ASF1A: variants seen among roughly 807,000 people sequenced by gnomAD.
ASF1A encodes anti-silencing function 1A histone chaperone.
In ASF1A, 5 loss-of-function variants were observed where a neutral mutation model predicts 22.0. The observed-to-expected ratio is 0.23, with a 90% CI of 0.12 to 0.48. The LOEUF is 0.48. Ranked by LOEUF, ASF1A falls within the 20% of genes least tolerant of loss-of-function variation. The pLI is 0.99. For synonymous variants in ASF1A, 97 were observed against 86.7 expected, an observed-to-expected ratio of 1.12 and a Z score of -0.66; for missense variants, 137 against 240.6, an observed-to-expected ratio of 0.57 and a Z score of 2.85.
At chr6:118,896,490 C>A (rs994283747) in intron 1 of ASF1A, among the ~76,000 whole-genome samples, 1 of 152,126 alleles carries the variant, frequency 6.6e-6, no homozygotes, top group Admixed American at 6.5e-5. Context: ...TGAAACCAGC[C>A]ATTCATAAAG....
intron 2 of ASF1A, among the ~76,000 whole-genome samples, chr6:118,903,278 T>C (rs948786439): frequency 8.5e-5 from 13 of 152,116 alleles, no homozygotes; most frequent in African/African-American, 3.1e-4. Flanking sequence ...ATCTAACCCC[T>C]CTGTGCAGGG....
intron 3 of ASF1A, among the ~76,000 whole-genome samples, chr6:118,906,192 C>A (rs1486068354): frequency 6.6e-6 from 1 of 152,148 alleles, no homozygotes; most frequent in Non-Finnish European, 1.5e-5. Context: ...CCTGTCTCAG[C>A]CTCCCAAGTA....
At position 118,898,425 on chromosome 6, in the gene ASF1A, A is replaced by ATT. The variant is rs34394511; in HGVS notation, c.110-2324_110-2323dup. On this transcript the variant is annotated intron_variant, in intron 1 of 3. Transcript: ENST00000229595. ...AATTCATGAAAACCTTTATGTAATAATTTTTTTTTTTTTTTTTTGGAGACA... is the reference window on the plus strand; with the variant it reads ...AATTCATGAAAACCTTTATGTAATAATTTTTTTTTTTTTTTTTTTTGGAGACA... Among the ~76,000 whole-genome samples the ATT allele has an allele frequency of 2.4e-3, 335 of 140,532 alleles. 4 individuals are homozygous for ATT. Among genetic ancestry groups the ATT allele is most frequent in the Middle Eastern group, 0.011 (3 of 282 alleles). 92.2% of individuals were successfully genotyped at this position (140,532 alleles called of 152,430 possible). A position where few individuals can be genotyped will look rare whatever the true frequency, so the allele number is the denominator to read the frequency against.
chr6:118,906,408 C>T (rs919368708), intron 3 of ASF1A, among the ~76,000 whole-genome samples: 1 of 152,098 alleles, frequency 6.6e-6, no homozygotes, highest in African/African-American at 2.4e-5. Flanking sequence ...TTGTTTATGG[C>T]TTTCTTTATA....
Position 118,900,767 on chromosome 6 carries a change from C to T in ASF1A, c.111C>T (p.Asp37=). ...AATGCTTTGGTTTTTTAACCCTAGACTTGGAATGGAAAATTATCTATGTGG... is the reference window on the plus strand; with the variant it reads ...AATGCTTTGGTTTTTTAACCCTAGATTTGGAATGGAAAATTATCTATGTGG... ...TFECIEDLSE[D]LEWKIIYVGS... The change falls in exon 2 of 4, where the codon GAC becomes GAT. Residue 37 remains aspartate (D), a splice_region_variant and synonymous_variant. Transcript: ENST00000229595. 1.9e-6 allele frequency: 3 copies of T among 1,606,994 alleles called. No individual in the cohort carries two copies. Among genetic ancestry groups the T allele is most frequent in the Non-Finnish European group, 2.6e-6 (3 of 1,173,664 alleles).
chr6:118,894,944 A>G (rs1385342616), intron 1 of ASF1A, among the ~76,000 whole-genome samples: 1 of 152,022 alleles, frequency 6.6e-6, no homozygotes, highest in Non-Finnish European at 1.5e-5. Context: ...GCGAGTTCGG[A>G]GCGGAGCCAT....
intron 3 of ASF1A, among the ~76,000 whole-genome samples, chr6:118,906,754 TTGGTAAC>T (rs1305318540): frequency 6.6e-6 from 1 of 152,202 alleles, no homozygotes; most frequent in Non-Finnish European, 1.5e-5. Context: ...CTATAACAGT[TTGGTAAC>T]TGGTGATTTT....
chr6:118,904,543 G>A (rs919674949), intron 2 of ASF1A, among the ~76,000 whole-genome samples: 9 of 152,150 alleles, frequency 5.9e-5, no homozygotes, highest in Non-Finnish European at 1.3e-4. Flanking sequence ...CCATCCGGTC[G>A]TCTCATTACT....
chr6:118,894,907 G>A (rs575623041), intron 1 of ASF1A, among the ~76,000 whole-genome samples: 1 of 152,304 alleles, frequency 6.6e-6, no homozygotes, highest in East Asian at 1.9e-4. Context: ...GGCTGGGAAG[G>A]GAGAGGCTGT....
At chr6:118,894,605 C>A (rs936776746) in intron 1 of ASF1A, 83 bp downstream of exon 1, 6 of 1,169,156 alleles carry the variant, frequency 5.1e-6, no homozygotes, top group Non-Finnish European at 6.1e-6. Context: ...TCGCGCTGGG[C>A]GGCTGTGTTC....
chr6:118,897,669 G>C (rs1779520320), intron 1 of ASF1A, among the ~76,000 whole-genome samples: 2 of 151,946 alleles, frequency 1.3e-5, no homozygotes, highest in East Asian at 3.9e-4. Flanking sequence ...ATACTTTCAG[G>C]CTGGGTAAAT....
At chr6:118,896,880 CTGGA>C (rs1779455620) in intron 1 of ASF1A, among the ~76,000 whole-genome samples, 2 of 151,780 alleles carry the variant, frequency 1.3e-5, no homozygotes, top group Middle Eastern at 3.4e-3. Context: ...GGCACTCAGG[CTGGA>C]TGGAGTACAG....
intron 1 of ASF1A, among the ~76,000 whole-genome samples, chr6:118,900,432 C>T (rs1285912789): frequency 6.6e-6 from 1 of 152,180 alleles, no homozygotes; most frequent in Non-Finnish European, 1.5e-5. Flanking sequence ...GTGTTCTTTA[C>T]TGAAGGATAT....
At chr6:118,894,710 G>A (rs1779229298) in intron 1 of ASF1A, among the ~76,000 whole-genome samples, 188 bp downstream of exon 1, 1 of 152,240 alleles carries the variant, frequency 6.6e-6, no homozygotes, top group South Asian at 2.1e-4. Context: ...CGCAGCCCAG[G>A]CGCCTGCCGG....
chr6:118,894,859 G>A (rs576943720), intron 1 of ASF1A, among the ~76,000 whole-genome samples: 69 of 152,314 alleles, frequency 4.5e-4, no homozygotes, highest in African/African-American at 1.6e-3. Flanking sequence ...GCTCCGCGCC[G>A]CCAACAGCCT....
chr6:118,899,822 G>C (rs958958333), intron 1 of ASF1A, among the ~76,000 whole-genome samples: 3 of 152,180 alleles, frequency 2.0e-5, no homozygotes, highest in African/African-American at 7.2e-5. Context: ...CACCCTTTGG[G>C]AGTGCTTGTG....
chr6:118,905,865 T>C, intron 3 of ASF1A, 37 bp downstream of exon 3: 1 of 1,466,358 alleles, frequency 6.8e-7, no homozygotes, highest in Non-Finnish European at 9.2e-7. Context: ...CTACTTTTAC[T>C]ATGCAATTTT....
chr6:118,902,834 A>G (rs3798599), intron 2 of ASF1A, among the ~76,000 whole-genome samples: 11,627 of 152,204 alleles, frequency 0.076, 681 homozygotes, highest in East Asian at 0.19. Flanking sequence ...TTTGTTTTGT[A>G]TTTTAAAACT....
Position 118,905,335 on chromosome 6 carries a change from C to T in ASF1A, c.226-317C>T, listed in dbSNP as rs9401096. The stretch of plus-strand genomic sequence containing the variant: ...TGAAAAGGTTAAAATCAATTGCTGA[C>T]TATAAAGGTTTTATAATGAATAGTG... On this transcript the variant is annotated intron_variant, in intron 2 of 3. Transcript: ENST00000229595. Among the ~76,000 whole-genome samples the T allele has an allele frequency of 4.3e-3, 619 of 144,640 alleles. 11 individuals carry two copies. In the East Asian group the frequency reaches 0.045, roughly 11 times the overall value. 94.9% of individuals were successfully genotyped at this position (144,640 alleles called of 152,430 possible). A position where few individuals can be genotyped will look rare whatever the true frequency, so the allele number is the denominator to read the frequency against.
Sources: allele counts gnomAD v4.1 joint callset (sites outside exome capture counted in the v4.1 genomes callset), GRCh38; gene constraint gnomAD v4.1.1; transcripts MANE v1.5; gene names NCBI Gene and HGNC (gene_info 2026-07-23, HGNC 2026-07-21).